Variants in ZC3H12B observed in about 807,000 individuals in gnomAD.
ZC3H12B encodes the protein zinc finger CCCH-type containing 12B.
A neutral mutation model predicts 43.9 loss-of-function variants in ZC3H12B; 7 were observed. The ratio of observed to expected loss-of-function variants is 0.16; its 90% CI spans 0.09 to 0.30. ZC3H12B has a LOEUF of 0.30. ZC3H12B is among the 10% of genes least tolerant of loss of function. The pLI is 1.00. For missense variants in ZC3H12B, 475 were observed against 670.2 expected (o/e 0.71, Z 3.22); for synonymous variants, 222 against 241.7 (o/e 0.92, Z 0.76).
chrX:65,431,196 A>G (rs746320836), intron 3 of ZC3H12B, among the ~76,000 whole-genome samples: 3 of 112,700 alleles, frequency 2.7e-5, no homozygotes, highest in Non-Finnish European at 5.6e-5. Flanking sequence ...TGATTAAGGC[A>G]TTCTGTAAGT....
the ZC3H12B span, among the ~76,000 whole-genome samples, chrX:65,169,671 G>T: frequency 8.9e-6 from 1 of 111,814 alleles, no homozygotes; most frequent in Non-Finnish European, 1.9e-5. Context: ...GATAGTCTAA[G>T]TCTCTTTGTA....
intron 2 of ZC3H12B, among the ~76,000 whole-genome samples, chrX:65,396,212 G>T (rs1260481148): frequency 6.3e-5 from 7 of 111,179 alleles, no homozygotes; most frequent in Admixed American, 5.8e-4. Context: ...GTTATTTCTT[G>T]TCTTCTGCTA....
At chrX:65,173,680 CAT>C in the ZC3H12B span, among the ~76,000 whole-genome samples, 3 of 111,666 alleles carry the variant, frequency 2.7e-5, no homozygotes, top group African/African-American at 6.5e-5. Context: ...TTGAGATAAT[CAT>C]GTGATTTTTG....
the ZC3H12B span, among the ~76,000 whole-genome samples, chrX:65,291,025 T>C: frequency 1.8e-3 from 204 of 111,449 alleles, 1 homozygote; most frequent in African/African-American, 6.2e-3. Context: ...ATGCCTTAAA[T>C]ACATGTAAAA....
At chrX:65,178,552 TAAAC>T in the ZC3H12B span, among the ~76,000 whole-genome samples, 1 of 112,017 alleles carries the variant, frequency 8.9e-6, no homozygotes, top group African/African-American at 3.2e-5. Context: ...ACAAGGAACT[TAAAC>T]AAATTTAGAA....
the ZC3H12B span, among the ~76,000 whole-genome samples, chrX:65,209,688 C>A: frequency 9.1e-6 from 1 of 109,748 alleles, no homozygotes; most frequent in East Asian, 2.9e-4. Flanking sequence ...CTACAGTAAC[C>A]AAAACAGCAT....
chrX:65,361,415 T>G, the ZC3H12B span, among the ~76,000 whole-genome samples: 1 of 112,114 alleles, frequency 8.9e-6, no homozygotes, highest in Non-Finnish European at 1.9e-5. Flanking sequence ...CCAGTCCATT[T>G]TTTACTCTTA....
chrX:65,312,172 A>G, the ZC3H12B span, among the ~76,000 whole-genome samples: 3 of 112,295 alleles, frequency 2.7e-5, no homozygotes. Flanking sequence ...AATAGCTGGC[A>G]TATTGGAGAG....
intron 3 of ZC3H12B, among the ~76,000 whole-genome samples, chrX:65,440,783 T>A (rs181776306): frequency 8.9e-6 from 1 of 112,414 alleles, no homozygotes; most frequent in Admixed American, 9.4e-5. Flanking sequence ...ATTCTTCATT[T>A]ACCTGATTTT....
At chrX:65,368,948 A>G (rs935370860) in exon 2 of ZC3H12B, 1 of 112,116 alleles carries the variant, frequency 8.9e-6, no homozygotes, top group African/African-American at 3.2e-5. Flanking sequence ...AGAAGAATTG[A>G]GCATGCTGAG....
chrX:65,130,760 A>C, the ZC3H12B span, among the ~76,000 whole-genome samples: 1 of 111,690 alleles, frequency 9.0e-6, no homozygotes, highest in Admixed American at 9.5e-5. Flanking sequence ...CTTGTTTGGA[A>C]AGAGATTGAT....
At chrX:65,415,507 C>T (rs1350366736) in intron 3 of ZC3H12B, among the ~76,000 whole-genome samples, 1 of 112,257 alleles carries the variant, frequency 8.9e-6, no homozygotes, top group African/African-American at 3.2e-5. Flanking sequence ...AATTTTGTGT[C>T]TTATTGCTAC....
intron 3 of ZC3H12B, among the ~76,000 whole-genome samples, chrX:65,403,294 G>T (rs1040803873): frequency 9.0e-6 from 1 of 111,212 alleles, no homozygotes; most frequent in Non-Finnish European, 1.9e-5. Flanking sequence ...AAAGAGAAAA[G>T]AATATAAAAC....
chrX:65,408,130 G>A, intron 3 of ZC3H12B: 1 of 1,200,745 alleles, frequency 8.3e-7, no homozygotes. Flanking sequence ...CTGCAGGCCA[G>A]CCCTTCAAGT....
chrX:65,272,599 G>T, the ZC3H12B span: 1 of 111,827 alleles, frequency 8.9e-6, no homozygotes, highest in Non-Finnish European at 1.9e-5. Flanking sequence ...ATAAACTGAT[G>T]ATTGGAAAGC....
At chrX:65,116,381 T>A in the ZC3H12B span, among the ~76,000 whole-genome samples, 1 of 111,105 alleles carries the variant, frequency 9.0e-6, no homozygotes, top group African/African-American at 3.3e-5. Flanking sequence ...TATTTATGGG[T>A]TCTCTATTCT....
At chrX:65,283,322 C>T in the ZC3H12B span, among the ~76,000 whole-genome samples, 4 of 111,504 alleles carry the variant, frequency 3.6e-5, no homozygotes, top group Non-Finnish European at 7.5e-5. Flanking sequence ...TGGAACATAT[C>T]TCAAAATAAT....
At chrX:65,153,444 G>C in the ZC3H12B span, among the ~76,000 whole-genome samples, 1 of 112,284 alleles carries the variant, frequency 8.9e-6, no homozygotes, top group Non-Finnish European at 1.9e-5. Context: ...TTTCTCAAAA[G>C]AAGACATTTA....
chrX:65,056,453 G>C, the ZC3H12B span, among the ~76,000 whole-genome samples: 1 of 111,790 alleles, frequency 8.9e-6, no homozygotes, highest in Non-Finnish European at 1.9e-5. Context: ...TGGTCTCAGA[G>C]ACAGTTTGTT....
Sources: allele counts gnomAD v4.1 joint callset (sites outside exome capture counted in the v4.1 genomes callset), GRCh38; gene constraint gnomAD v4.1.1; transcripts MANE v1.5; gene names NCBI Gene and HGNC (gene_info 2026-07-23, HGNC 2026-07-21).